Variants in BSN observed in about 807,000 individuals in gnomAD.
BSN encodes the protein protein bassoon.
In BSN, 57 loss-of-function variants were observed where a neutral mutation model predicts 264.8. That is an observed-to-expected ratio of 0.22 (90% CI 0.17 to 0.27). The LOEUF (loss-of-function observed/expected upper bound fraction) is 0.27, where lower values mean the gene tolerates loss of function less well. Among genes scored for constraint, BSN ranks in the 10% least tolerant of loss-of-function variants. The pLI, the probability that BSN is intolerant of heterozygous loss-of-function variation, is 1.00. For synonymous variants in BSN, 2,059 were observed against 2,137.3 expected (o/e 0.96, Z 1.01); for missense variants, 4,615 against 5,232.5 (o/e 0.88, Z 3.64).
intron 3 of BSN, among the ~76,000 whole-genome samples, chr3:49,644,268 G>A (rs780178934): frequency 2.0e-5 from 3 of 152,206 alleles, no homozygotes; most frequent in Non-Finnish European, 4.4e-5. Flanking sequence ...AGCTGATGGT[G>A]GCACAGGGGT....
rs2052624468 is a variant in BSN, at chr3:49,657,944, A to T, written c.8388A>T (p.Ser2796=). The T allele has an allele frequency of 1.2e-6, 2 of 1,612,916 alleles. No homozygotes were observed. The highest frequency in any genetic ancestry group is 1.7e-6 in the Non-Finnish European group (2 of 1,179,362). Residue 2796 remains serine, a synonymous_variant, in exon 5 of 12, where the codon TCA becomes TCT. Coordinates refer to ENST00000296452, the MANE Select transcript of BSN (RefSeq NM_003458.4). ...CCAAGTCCCCTCAGGTCCTCTACTC[A>T]CCAGTCTCACCCCTGTCCCCTCACC... The part of the protein sequence containing the change: ...QPPKSPQVLY[S]PVSPLSPHRL...
intron 1 of BSN, among the ~76,000 whole-genome samples, chr3:49,574,595 G>GGCT (rs1445007083): frequency 6.7e-6 from 1 of 148,682 alleles, no homozygotes; most frequent in Non-Finnish European, 1.5e-5. Flanking sequence ...CACCATGCCT[G>GGCT]GCTAATTTAT....
At position 49,664,582 on chromosome 3, in the gene BSN, G is replaced by A. The variant is rs375356376; in HGVS notation, c.11740+28G>A. ...ATGCACTGCCTGCAACTGGTCTGTG[G>A]TGGGTGGCTACTCTGGTACAGGCTG... On this transcript the variant is annotated intron_variant, in intron 9 of 11. Coordinates refer to ENST00000296452, the MANE Select transcript of BSN (RefSeq NM_003458.4). 9 of 1,571,966 alleles carry A rather than the reference G, an allele frequency of 5.7e-6. No homozygotes were observed. The African/African-American group carries it at 1.1e-4, about 19-fold the overall frequency.
At position 49,653,910 on chromosome 3, in the gene BSN, A is replaced by G. The variant is rs1232892591; in HGVS notation, c.4354A>G (p.Lys1452Glu). ...TGCAGCTGGACGAGCTGCTAGAGAGAAGCCCTTGAGTGCGAGTGACGGTGA... is the reference window on the plus strand; with the variant it reads ...TGCAGCTGGACGAGCTGCTAGAGAGGAGCCCTTGAGTGCGAGTGACGGTGA... ...LAAAGRAAREKPLSASDGEGG... is the reference protein window; with the variant it reads ...LAAAGRAAREEPLSASDGEGG... The change falls in exon 5 of 12, where the codon AAG becomes GAG. Residue 1452 changes from lysine to glutamate, a missense_variant. Physicochemically the swap from Lys to Glu is moderately conservative, Grantham distance 56 (BLOSUM62 1). This residue lies in a region of BSN where 3,415 missense variants were observed against 3,866.4 expected (regional missense o/e 0.88). Coordinates refer to ENST00000296452, the MANE Select transcript of BSN (RefSeq NM_003458.4). This position sits in a 1 kb window ranked among gnomAD's most constrained non-coding sequence, Gnocchi z 6.3. The G allele has an allele frequency of 3.1e-6, 5 of 1,614,064 alleles. No individual in the cohort carries two copies. The African/African-American group carries it at 6.7e-5, about 22-fold the overall frequency.
chr3:49,605,545 A>AT (rs2052117808), intron 1 of BSN, among the ~76,000 whole-genome samples: 3 of 6,182 alleles, frequency 4.9e-4, no homozygotes, highest in Non-Finnish European at 6.9e-4. Flanking sequence ...TATATTATAT[A>AT]TATTTTATAT....
chr3:49,593,445 G>C (rs2051995745), intron 1 of BSN, among the ~76,000 whole-genome samples: 1 of 152,182 alleles, frequency 6.6e-6, no homozygotes, highest in South Asian at 2.1e-4. Flanking sequence ...TCATTTGGTA[G>C]TTGCATGCTT....
At chr3:49,616,729 A>G (rs2052262229) in intron 1 of BSN, among the ~76,000 whole-genome samples, 1 of 152,146 alleles carries the variant, frequency 6.6e-6, no homozygotes, top group African/African-American at 2.4e-5. Flanking sequence ...CAGGGCAGCC[A>G]CATCTCTCCT....
intron 2 of BSN, among the ~76,000 whole-genome samples, chr3:49,634,297 TGAATG>T (rs2052405417): frequency 6.6e-6 from 1 of 152,024 alleles, no homozygotes; most frequent in Non-Finnish European, 1.5e-5. Context: ...ATTACGAAGA[TGAATG>T]GTGGTGATGG....
chr3:49,637,520 G>T (rs1183722743), intron 2 of BSN, among the ~76,000 whole-genome samples: 1 of 152,188 alleles, frequency 6.6e-6, no homozygotes. Flanking sequence ...ATTGCAGACA[G>T]ATCACAGCTG....
intron 1 of BSN, among the ~76,000 whole-genome samples, chr3:49,606,225 T>TAATATATATTAAAA (rs1449538249): frequency 2.0e-5 from 1 of 51,228 alleles, no homozygotes; most frequent in Non-Finnish European, 3.4e-5. Context: ...ATATTATATA[T>TAATATATATTAAAA]ACATATATTA....
At chr3:49,662,697 G>T in intron 6 of BSN, 135 bp downstream of exon 6, 2 of 1,451,616 alleles carry the variant, frequency 1.4e-6, no homozygotes, top group South Asian at 2.9e-5. Context: ...CTGCAGGCAG[G>T]CTGCCCTTGC....
At chr3:49,565,600 G>A (rs1056457738) in intron 1 of BSN, among the ~76,000 whole-genome samples, 4 of 151,942 alleles carry the variant, frequency 2.6e-5, no homozygotes, top group South Asian at 4.2e-4. Context: ...GATTACAGGC[G>A]TGAGCTACCG....
Position 49,661,287 on chromosome 3 carries a change from A to C in BSN, c.9442A>C (p.Thr3148Pro). The C allele has an allele frequency of 6.2e-7, 1 of 1,613,860 alleles. No individual in the cohort carries two copies. Among genetic ancestry groups the C allele is most frequent in the Non-Finnish European group, 8.5e-7 (1 of 1,180,046 alleles). Residue 3148 changes from threonine (T) to proline (P), a missense_variant, in exon 6 of 12, where the codon ACA becomes CCA. Thr to Pro is a conservative substitution (Grantham distance 38, BLOSUM62 -1). Around this residue, in one of 3 missense-constraint regions of BSN, gnomAD observed 3,415 missense variants for 3,866.4 expected, o/e 0.88. Coordinates refer to ENST00000296452, the MANE Select transcript of BSN (RefSeq NM_003458.4). ...TGCCCCACTGCAGAAGCCACGCCAG[A>C]CATCGCTAGCCGACTTGGAGCAGAA... ...SRAPLQKPRQTSLADLEQKVP... is the reference protein window; with the variant it reads ...SRAPLQKPRQPSLADLEQKVP...
chr3:49,559,950 T>C (rs1396972154), intron 1 of BSN, among the ~76,000 whole-genome samples: 3 of 152,248 alleles, frequency 2.0e-5, no homozygotes, highest in East Asian at 3.8e-4. Context: ...TTTGGGCTAA[T>C]TGGGAGCCAA....
chr3:49,673,122 C>G (rs1244842241), downstream of BSN, among the ~76,000 whole-genome samples: 1 of 28,510 alleles, frequency 3.5e-5, no homozygotes, highest in Non-Finnish European at 7.1e-5. Flanking sequence ...TTTTACTTAA[C>G]TAGTTATCTT....
intron 1 of BSN, among the ~76,000 whole-genome samples, chr3:49,594,302 T>C (rs985018438): frequency 2.0e-5 from 3 of 152,230 alleles, no homozygotes; most frequent in Non-Finnish European, 2.9e-5. Flanking sequence ...CTGAAATTTT[T>C]CCTAACATTT....
chr3:49,574,042 C>T (rs567022943), intron 1 of BSN, among the ~76,000 whole-genome samples: 6 of 152,164 alleles, frequency 3.9e-5, no homozygotes, highest in East Asian at 3.9e-4. Context: ...CTCAGCCTCC[C>T]GGGCTCAAGC....
intron 3 of BSN, among the ~76,000 whole-genome samples, chr3:49,644,677 C>G (rs2052492567): frequency 6.6e-6 from 1 of 152,192 alleles, no homozygotes; most frequent in Non-Finnish European, 1.5e-5. Flanking sequence ...CAGGCACAAG[C>G]TCACTGCTGG....
chr3:49,561,142 C>T (rs2051708381), intron 1 of BSN, among the ~76,000 whole-genome samples: 1 of 152,248 alleles, frequency 6.6e-6, no homozygotes, highest in African/African-American at 2.4e-5. Context: ...CTCTAGATCA[C>T]CCCAGGATCA....
Sources: gnomAD v4.1 joint callset for allele counts (sites outside exome capture counted in the v4.1 genomes callset) on GRCh38, gnomAD v4.1.1 for gene constraint, gnomAD v4.1.1 regional missense constraint, Gnocchi (gnomAD v3.1) non-coding constraint, MANE v1.5 for transcripts, NCBI Gene and HGNC (gene_info 2026-07-23, HGNC 2026-07-21) for gene names.